Variants in DOCK11 observed in about 807,000 individuals in gnomAD.
DOCK11 encodes the protein dedicator of cytokinesis protein 11.
A neutral mutation model predicts 169.1 loss-of-function variants in DOCK11; 70 were observed. The ratio of observed to expected loss-of-function variants is 0.41; its 90% CI spans 0.34 to 0.51. The LOEUF is 0.51. Ranked by LOEUF, DOCK11 falls within the 20% of genes least tolerant of loss-of-function variation. The probability of loss-of-function intolerance (pLI) is 0.10; values close to 1 mark genes in which losing one functional copy is unlikely to be tolerated. For synonymous variants in DOCK11, 529 were observed against 541.3 expected (o/e 0.98, Z 0.32); for missense variants, 1,166 against 1,538.8 (o/e 0.76, Z 4.05).
intron 7 of DOCK11, among the ~76,000 whole-genome samples, chrX:118,565,562 A>T (rs963233330): frequency 1.2e-4 from 13 of 112,126 alleles, no homozygotes; most frequent in Admixed American, 2.8e-4. Flanking sequence ...TTATGGTGAG[A>T]TATAAATTTA....
chrX:118,635,375 G>GTTTGT (rs778114518), intron 35 of DOCK11, among the ~76,000 whole-genome samples: 11 of 111,882 alleles, frequency 9.8e-5, no homozygotes, highest in South Asian at 3.7e-4. Context: ...TGGTGGCACT[G>GTTTGT]TTTGTTTTGT....
At position 118,538,700 on chromosome X, in the gene DOCK11, AC is replaced by A. The variant is rs1221389475; in HGVS notation, c.103-4023del. On this transcript the variant is annotated intron_variant, in intron 1 of 52. Transcript: ENST00000276202. ...TTGCTATTATTTGAATGTTTAAGGT[AC>A]CATTTATTGTAACGGGTTTTTGGAG... is the stretch of plus-strand genomic sequence containing the variant. 798 of 748,118 alleles carry A rather than the reference AC, an allele frequency of 1.1e-3. 4 individuals carry two copies. The African/African-American group carries it at 0.017, about 16-fold the overall frequency. The allele number at this position is 748,118 out of a possible 1,213,427, so 61.7% of individuals were successfully genotyped here.
At position 118,643,540 on chromosome X, in the gene DOCK11, A is replaced by G. The variant is rs368731387; in HGVS notation, c.4344A>G (p.Gln1448=). 6 of 1,209,745 alleles carry G rather than the reference A, an allele frequency of 5.0e-6. No individual in the cohort carries two copies. The highest frequency in any genetic ancestry group is 2.2e-5 in the Admixed American group (1 of 45,686). ...DIHLAFLKNG[Q]SEVSLKHVFA... is the part of the protein sequence containing the mutation. Reference sequence around the variant, plus strand: ...ATCTTGCTTTTCTTAAAAATGGACAATCTGAAGTGTCGCTGAAACATGTAT... The same window carrying G: ...ATCTTGCTTTTCTTAAAAATGGACAGTCTGAAGTGTCGCTGAAACATGTAT... Residue 1448 remains glutamine (Q), a synonymous_variant, in exon 40 of 53, where the codon CAA becomes CAG. Coordinates refer to ENST00000276202, the MANE Select transcript of DOCK11 (RefSeq NM_144658.4).
intron 45 of DOCK11, among the ~76,000 whole-genome samples, chrX:118,667,946 T>C (rs968660737): frequency 8.9e-6 from 1 of 112,326 alleles, no homozygotes; most frequent in African/African-American, 3.2e-5. Flanking sequence ...TGCTAGTATA[T>C]AGAAATATAA....
intron 4 of DOCK11, among the ~76,000 whole-genome samples, chrX:118,545,082 C>T (rs900361677): frequency 1.8e-5 from 2 of 110,205 alleles, no homozygotes; most frequent in African/African-American, 6.6e-5. Context: ...GTTATGTCTT[C>T]GCTGCTGGCC....
At chrX:118,519,724 T>C (rs751807730) in intron 1 of DOCK11, among the ~76,000 whole-genome samples, 15 of 112,077 alleles carry the variant, frequency 1.3e-4, no homozygotes, top group Non-Finnish European at 2.6e-4. Flanking sequence ...GCAAATCACG[T>C]CATTTCACAT....
intron 10 of DOCK11, among the ~76,000 whole-genome samples, chrX:118,568,826 AT>A (rs1375848418): frequency 9.0e-6 from 1 of 111,544 alleles, no homozygotes; most frequent in Non-Finnish European, 1.9e-5. Flanking sequence ...GGTCTACAGT[AT>A]TTAAGTATTA....
intron 1 of DOCK11, among the ~76,000 whole-genome samples, chrX:118,534,485 G>T (rs940246977): frequency 9.0e-6 from 1 of 111,685 alleles, no homozygotes; most frequent in African/African-American, 3.3e-5. Context: ...GAAATAATTC[G>T]GCAGTTAAAA....
intron 51 of DOCK11, among the ~76,000 whole-genome samples, chrX:118,682,319 T>G (rs2016764559): frequency 9.0e-6 from 1 of 111,196 alleles, no homozygotes; most frequent in South Asian, 3.8e-4. Flanking sequence ...ATAAAAGTCT[T>G]CATTCAGAAG....
At chrX:118,535,932 G>A (rs1055185771) in intron 1 of DOCK11, among the ~76,000 whole-genome samples, 6 of 111,610 alleles carry the variant, frequency 5.4e-5, no homozygotes, top group African/African-American at 2.0e-4. Context: ...AAAGAGATGA[G>A]CTGCTGAAAG....
At chrX:118,551,631 A>G (rs983758488) in intron 6 of DOCK11, among the ~76,000 whole-genome samples, 4 of 110,856 alleles carry the variant, frequency 3.6e-5, no homozygotes, top group Non-Finnish European at 1.9e-5. Flanking sequence ...CTGGGAGGTC[A>G]AAGCTACAGT....
intron 6 of DOCK11, among the ~76,000 whole-genome samples, chrX:118,553,132 C>T (rs2147362045): frequency 9.0e-6 from 1 of 111,373 alleles, no homozygotes; most frequent in South Asian, 3.8e-4. Context: ...ATACATGATC[C>T]TTTAGACAGA....
chrX:118,619,616 A>G (rs1295570779), intron 31 of DOCK11, among the ~76,000 whole-genome samples: 1 of 109,255 alleles, frequency 9.2e-6, no homozygotes, highest in East Asian at 2.8e-4. Context: ...TTATTCTGTG[A>G]AACATATGCT....
chrX:118,674,190 A>G (rs2016554896), intron 46 of DOCK11, among the ~76,000 whole-genome samples: 1 of 111,547 alleles, frequency 9.0e-6, no homozygotes, highest in Admixed American at 9.5e-5. Context: ...TCACTCTGTC[A>G]TCGAGGTTGG....
intron 9 of DOCK11, 104 bp from the exon 10 acceptor site, chrX:118,567,975 G>T: frequency 2.7e-6 from 1 of 368,690 alleles, no homozygotes; most frequent in Non-Finnish European, 4.6e-6. Flanking sequence ...GTATATTTTT[G>T]AAGCTGTGAC....
At chrX:118,500,491 A>C (rs927368163) in intron 1 of DOCK11, among the ~76,000 whole-genome samples, 2 of 111,859 alleles carry the variant, frequency 1.8e-5, no homozygotes, top group Non-Finnish European at 3.8e-5. Flanking sequence ...CTCTCTTTCT[A>C]TGTGTATATA....
intron 42 of DOCK11, 46 bp from the exon 43 acceptor site, chrX:118,654,556 T>C: frequency 8.8e-7 from 1 of 1,142,006 alleles, no homozygotes. Context: ...TTAGAGCACA[T>C]CGATATTGTT....
intron 7 of DOCK11, among the ~76,000 whole-genome samples, chrX:118,562,438 T>C (rs755582678): frequency 3.6e-5 from 4 of 111,784 alleles, no homozygotes; most frequent in Non-Finnish European, 7.5e-5. Context: ...TCCTGATTTC[T>C]TGTCTTGCTC....
At chrX:118,523,296 T>C (rs2011302286) in intron 1 of DOCK11, among the ~76,000 whole-genome samples, 2 of 112,287 alleles carry the variant, frequency 1.8e-5, no homozygotes, top group African/African-American at 6.5e-5. Context: ...ATAAAGGTTG[T>C]TTAACATTGA....
Sources: allele counts gnomAD v4.1 joint callset (sites outside exome capture counted in the v4.1 genomes callset), GRCh38; gene constraint gnomAD v4.1.1; transcripts MANE v1.5; gene names NCBI Gene and HGNC (gene_info 2026-07-23, HGNC 2026-07-21).